Variants in WDR11 observed in about 807,000 individuals in gnomAD.
WDR11 encodes WD repeat domain 11, also known as WD repeat-containing protein 11.
WDR11 carries 83 observed loss-of-function variants against 151.2 expected under a neutral mutation model. The ratio of observed to expected loss-of-function variants is 0.55; its 90% confidence interval spans 0.46 to 0.66. The LOEUF is 0.66. Ranked by LOEUF, WDR11 falls within the 30% of genes least tolerant of loss-of-function variation. WDR11 has a pLI of 0.00. For synonymous variants in WDR11, 484 were observed against 533.1 expected (o/e 0.91, Z 1.27); for missense variants, 1,301 against 1,480.9 (o/e 0.88, Z 1.99).
rs188675607 is a variant in WDR11, at chr10:120,886,551, A to G, written c.1974-138A>G. On this transcript the variant is annotated intron_variant, in intron 15 of 28. Coordinates refer to ENST00000263461, the MANE Select transcript of WDR11 (RefSeq NM_018117.12). ...ATGTTTACCCATAATTAGCTGGGCA[A>G]ATATTAGTTTCAGACTTTTAAAAAA... 7.6e-6 allele frequency: 8 copies of G among 1,053,290 alleles called. No individual in the cohort carries two copies. The Admixed American group carries it at 9.8e-5, about 13-fold the overall frequency. The allele number at this position is 1,053,290 out of a possible 1,614,324, so 65.2% of individuals were successfully genotyped here.
chr10:120,859,272 C>A (rs369748804), intron 3 of WDR11, among the ~76,000 whole-genome samples: 2 of 128,872 alleles, frequency 1.6e-5, no homozygotes, highest in Non-Finnish European at 3.3e-5. Flanking sequence ...TTTTTTTTTT[C>A]TTTTTTTTTT....
rs771423568 is a variant in WDR11, at chr10:120,862,930, C to A, written c.713+9C>A. ...ACTCAAGAGAAACCTAGGTAAGTTA[C>A]AAGTGTAAAATTAACATTCATCTAC... is the stretch of plus-strand genomic sequence containing the variant. On this transcript the variant is annotated intron_variant, in intron 5 of 28. Coordinates refer to ENST00000263461, the MANE Select transcript of WDR11 (RefSeq NM_018117.12). 1 of 1,573,414 alleles carries A rather than the reference C, an allele frequency of 6.4e-7. No homozygotes were observed. The highest frequency in any genetic ancestry group is 1.1e-5 in the South Asian group (1 of 90,286).
intron 2 of WDR11, among the ~76,000 whole-genome samples, chr10:120,854,741 G>A (rs2133723138): frequency 6.6e-6 from 1 of 152,258 alleles, no homozygotes; most frequent in South Asian, 2.1e-4. Flanking sequence ...TTCCCTGATG[G>A]CTAAAGGTGT....
intron 13 of WDR11, among the ~76,000 whole-genome samples, chr10:120,881,254 A>AG (rs1206070351): frequency 6.6e-6 from 1 of 152,078 alleles, no homozygotes; most frequent in Non-Finnish European, 1.5e-5. Flanking sequence ...TTTTTGTTTC[A>AG]GGGGAAAATA....
At chr10:120,881,765 A>G (rs1286513424) in intron 13 of WDR11, among the ~76,000 whole-genome samples, 3 of 151,960 alleles carry the variant, frequency 2.0e-5, no homozygotes, top group Non-Finnish European at 4.4e-5. Context: ...GCTTTTGTTA[A>G]TTCTTTAGGA....
At chr10:120,889,605 C>T (rs1249059291) in intron 17 of WDR11, 2 of 456,138 alleles carry the variant, frequency 4.4e-6, no homozygotes, top group South Asian at 2.2e-5. Flanking sequence ...TCAGTAAACT[C>T]GTGGAGGTGT....
chr10:120,866,843 T>C (rs1846332525), intron 8 of WDR11, 79 bp downstream of exon 8: 2 of 1,492,998 alleles, frequency 1.3e-6, no homozygotes, highest in South Asian at 1.2e-5. Flanking sequence ...ATCATAAAAA[T>C]AGGAGGGCTG....
At chr10:120,908,510 C>A in intron 28 of WDR11, 46 bp from the exon 29 acceptor site, 2 of 1,605,178 alleles carry the variant, frequency 1.2e-6, no homozygotes, top group South Asian at 1.1e-5. Context: ...TGTGAAGAGT[C>A]TCATCACAGC....
chr10:120,871,474 T>C lies in WDR11; in HGVS notation c.1471+128T>C, dbSNP rs1393956122. On this transcript the variant is annotated intron_variant, in intron 10 of 28. Transcript: ENST00000263461. ...AGGAGATAGAGACTAAGTGAAACTG[T>C]AAATACTCATCCTGGAACTTAAAAA... The C allele has an allele frequency of 6.3e-6, 6 of 957,118 alleles. No homozygotes were observed. The Admixed American group carries it at 1.1e-4, about 18-fold the overall frequency. The allele number at this position is 957,118 out of a possible 1,614,324, so 59.3% of individuals were successfully genotyped here.
chr10:120,900,241 C>A (rs1847765010), intron 20 of WDR11, 104 bp downstream of exon 20: 9 of 1,007,952 alleles, frequency 8.9e-6, no homozygotes, highest in Non-Finnish European at 1.4e-5. Flanking sequence ...GGGAATGGAG[C>A]CTTTAAAGCC....
At chr10:120,872,181 G>A (rs562910040) in intron 10 of WDR11, among the ~76,000 whole-genome samples, 1 of 152,116 alleles carries the variant, frequency 6.6e-6, no homozygotes, top group Non-Finnish European at 1.5e-5. Flanking sequence ...ACTCATTTGG[G>A]TATTACTGTT....
chr10:120,903,280 C>T (rs763702594), intron 23 of WDR11, 48 bp downstream of exon 23: 2 of 1,600,780 alleles, frequency 1.2e-6, no homozygotes, highest in Admixed American at 1.7e-5. Context: ...ATCTTGATTA[C>T]TTATATCTTT....
At chr10:120,866,104 G>A (rs1460248890) in intron 7 of WDR11, among the ~76,000 whole-genome samples, 1 of 151,592 alleles carries the variant, frequency 6.6e-6, no homozygotes, top group Non-Finnish European at 1.5e-5. Context: ...CCATTGTAAA[G>A]TGACAGAGGT....
intron 11 of WDR11, among the ~76,000 whole-genome samples, chr10:120,876,365 T>C (rs1362560455): frequency 6.6e-6 from 1 of 152,210 alleles, no homozygotes; most frequent in Admixed American, 6.5e-5. Flanking sequence ...AAGTGCATTG[T>C]TGTGTGGTGC....
At chr10:120,867,027 T>A (rs774707571) in intron 8 of WDR11, 39 bp from the exon 9 acceptor site, 1 of 1,510,406 alleles carries the variant, frequency 6.6e-7, no homozygotes. Context: ...AATGCAGATT[T>A]TAAGTATGTA....
Position 120,851,465 on chromosome 10 carries a change from C to T in WDR11, c.45C>T (p.Leu15=). 1 of 1,612,336 alleles carries T rather than the reference C, an allele frequency of 6.2e-7. No homozygotes were observed. The highest frequency in any genetic ancestry group is 8.5e-7 in the Non-Finnish European group (1 of 1,179,798). ...TVNFKVSART[L]TGALNAHNKA... ...ACTTCAAGGTGTCGGCGCGCACCCT[C>T]ACGGGGGCCCTCAACGCCCACAACA... Residue 15 remains leucine (L), a synonymous_variant, in exon 1 of 29, where the codon CTC becomes CTT. Transcript: ENST00000263461.
intron 5 of WDR11, 34 bp downstream of exon 5, chr10:120,862,955 C>T (rs1846191670): frequency 3.6e-6 from 5 of 1,376,082 alleles, no homozygotes; most frequent in Non-Finnish European, 2.1e-6. Flanking sequence ...CATTCATCTA[C>T]TTATCTGGTA....
intron 10 of WDR11, 90 bp downstream of exon 10, chr10:120,871,436 AGG>A: frequency 7.3e-7 from 1 of 1,373,430 alleles, no homozygotes; most frequent in East Asian, 2.3e-5. Context: ...ATTCTTTTTG[AGG>A]ATGCTTTAAA....
chr10:120,862,892 A>T lies in WDR11; in HGVS notation c.684A>T (p.Val228=). 7 of 1,613,736 alleles carry T rather than the reference A, an allele frequency of 4.3e-6. No individual in the cohort carries two copies. Among genetic ancestry groups the T allele is most frequent in the Non-Finnish European group, 5.1e-6 (6 of 1,179,636 alleles). Residue 228 remains valine, a synonymous_variant, in exon 5 of 29, where the codon GTA becomes GTT. Coordinates refer to ENST00000263461, the MANE Select transcript of WDR11 (RefSeq NM_018117.12). ...ATGAKKALNK[V]KILITQEKPS... is the part of the protein sequence containing the mutation. ...GTGCCAAGAAAGCTCTAAATAAAGT[A>T]AAAATTTTAATCACTCAAGAGAAAC...
Sources: allele counts gnomAD v4.1 joint callset (sites outside exome capture counted in the v4.1 genomes callset), GRCh38; gene constraint gnomAD v4.1.1; transcripts MANE v1.5; gene names NCBI Gene and HGNC (gene_info 2026-07-23, HGNC 2026-07-21).